The following PTPRD variants were observed in gnomAD, a reference collection of about 807,000 sequenced individuals.
The protein encoded by PTPRD is receptor-type tyrosine-protein phosphatase delta.
PTPRD carries 34 observed loss-of-function variants against 214.5 expected under a neutral mutation model. That is an observed-to-expected ratio of 0.16 (90% CI 0.12 to 0.21). The LOEUF (loss-of-function observed/expected upper bound fraction) is 0.21, where lower values mean the gene tolerates loss of function less well. Among genes scored for constraint, PTPRD ranks in the 10% least tolerant of loss-of-function variants. The probability of loss-of-function intolerance (pLI) is 1.00; values close to 1 mark genes in which losing one functional copy is unlikely to be tolerated. For synonymous variants in PTPRD, 1,128 were observed against 845.7 expected (o/e 1.33, Z -5.79); for missense variants, 2,545 against 2,398.7 (o/e 1.06, Z -1.27).
At chr9:8,952,224 C>T (rs2099105960) in intron 11 of PTPRD, among the ~76,000 whole-genome samples, 1 of 151,824 alleles carries the variant, frequency 6.6e-6, no homozygotes, top group African/African-American at 2.4e-5. Context: ...TTACCAACCT[C>T]TAATAGATAT....
chr9:9,372,542 A>T (rs2059803809), intron 9 of PTPRD, among the ~76,000 whole-genome samples: 1 of 152,106 alleles, frequency 6.6e-6, no homozygotes, highest in Non-Finnish European at 1.5e-5. Flanking sequence ...AATACAGCAC[A>T]CTGATGGGTC....
In PTPRD at chr9:8,528,582, A is replaced by G; in HGVS notation, c.541+9T>C. Reference sequence around the variant, plus strand: ...CTAGGAGTTAGTAGAAACAGTAACAAGACCCTACCTGATCGTAACTGCTTA... The same window carrying G: ...CTAGGAGTTAGTAGAAACAGTAACAGGACCCTACCTGATCGTAACTGCTTA... On this transcript the variant is annotated intron_variant, in intron 15 of 45. Transcript: ENST00000381196. The G allele has an allele frequency of 6.2e-7, 1 of 1,612,344 alleles. No homozygotes were observed. The highest frequency in any genetic ancestry group is 8.5e-7 in the Non-Finnish European group (1 of 1,179,060).
chr9:9,860,188 C>T lies in PTPRD; in HGVS notation c.-368+78319G>A, dbSNP rs1422296649. On this transcript the variant is annotated intron_variant, in intron 5 of 45. Coordinates refer to ENST00000381196, the MANE Select transcript of PTPRD (RefSeq NM_002839.4). ...TAGAGTCAGATGGTACATGGTATTT[C>T]ACAAGATCTGCTTTTGAAGAGTGCC... is the stretch of plus-strand genomic sequence containing the variant. 3.3e-5 allele frequency among the ~76,000 whole-genome samples: 5 copies of T among 152,162 alleles called. No homozygotes were observed. The South Asian group carries it at 6.2e-4, about 19-fold the overall frequency.
At chr9:8,756,015 T>C (rs905741769) in intron 11 of PTPRD, among the ~76,000 whole-genome samples, 6 of 152,196 alleles carry the variant, frequency 3.9e-5, no homozygotes, top group African/African-American at 1.4e-4. Context: ...AAGAGGAAAA[T>C]ATGATCTCAG....
intron 2 of PTPRD, among the ~76,000 whole-genome samples, chr9:10,565,717 T>C (rs1003782746): frequency 1.3e-5 from 2 of 152,074 alleles, no homozygotes; most frequent in Non-Finnish European, 2.9e-5. Flanking sequence ...CCCTAAGTTT[T>C]CTCAGACGTC....
intron 11 of PTPRD, among the ~76,000 whole-genome samples, chr9:8,881,678 T>G (rs1378570630): frequency 6.6e-6 from 1 of 151,792 alleles, no homozygotes; most frequent in Non-Finnish European, 1.5e-5. Flanking sequence ...GGAGACAGAG[T>G]TTTTAAAAGC....
intron 5 of PTPRD, among the ~76,000 whole-genome samples, chr9:9,826,715 G>A (rs2053001034): frequency 1.3e-5 from 2 of 152,002 alleles, no homozygotes; most frequent in South Asian, 4.1e-4. Flanking sequence ...CTTTTGCAAA[G>A]AGGGACAATT....
At chr9:9,033,077 C>G (rs1031615019) in intron 10 of PTPRD, among the ~76,000 whole-genome samples, 5 of 152,068 alleles carry the variant, frequency 3.3e-5, no homozygotes, top group Non-Finnish European at 5.9e-5. Context: ...AATGGAGATG[C>G]GTTTGTATGC....
intron 5 of PTPRD, among the ~76,000 whole-genome samples, chr9:9,790,840 A>G (rs1418819690): frequency 2.0e-5 from 3 of 150,218 alleles, no homozygotes; most frequent in African/African-American, 7.4e-5. Context: ...GGCAATAAAT[A>G]TATTTTGAAT....
At chr9:8,928,342 C>A (rs988802322) in intron 11 of PTPRD, among the ~76,000 whole-genome samples, 1 of 152,116 alleles carries the variant, frequency 6.6e-6, no homozygotes, top group African/African-American at 2.4e-5. Flanking sequence ...TTAGGTCTAA[C>A]ATTTAAGTCT....
intron 11 of PTPRD, among the ~76,000 whole-genome samples, chr9:8,760,886 G>C (rs2094371974): frequency 6.6e-6 from 1 of 152,036 alleles, no homozygotes; most frequent in Non-Finnish European, 1.5e-5. Context: ...AATAATTTTG[G>C]GATTAGTGAA....
chr9:10,150,672 A>G (rs2099054856), intron 3 of PTPRD, among the ~76,000 whole-genome samples: 1 of 151,838 alleles, frequency 6.6e-6, no homozygotes, highest in African/African-American at 2.4e-5. Flanking sequence ...AAAAAAACTT[A>G]AAAATGAAAA....
intron 3 of PTPRD, among the ~76,000 whole-genome samples, chr9:10,129,931 AT>A (rs993467159): frequency 2.7e-5 from 4 of 148,574 alleles, no homozygotes; most frequent in Non-Finnish European, 6.0e-5. Context: ...AAATAACCAA[AT>A]GTTTTTTTTT....
Position 10,069,180 on chromosome 9 carries a change from G to A in PTPRD, c.-544-35390C>T, listed in dbSNP as rs142752726. Among the ~76,000 whole-genome samples, 226 of 152,114 alleles carry A rather than the reference G, an allele frequency of 1.5e-3. 2 individuals carry two copies. The highest frequency in any genetic ancestry group is 0.011 in the South Asian group (51 of 4,824). On this transcript the variant is annotated intron_variant, in intron 3 of 45. Transcript: ENST00000381196. ...TTCCATCTATCTGACAGGGAAGGGAGATAAGACATTTCCCCCAATCTTCTG... is the reference window on the plus strand; with the variant it reads ...TTCCATCTATCTGACAGGGAAGGGAAATAAGACATTTCCCCCAATCTTCTG...
chr9:9,573,591 T>C (rs902898326), intron 8 of PTPRD, among the ~76,000 whole-genome samples: 4 of 151,744 alleles, frequency 2.6e-5, no homozygotes, highest in Non-Finnish European at 5.9e-5. Context: ...TAAATTGAAA[T>C]AATTTATTTA....
At chr9:9,987,587 G>A (rs2095762934) in intron 4 of PTPRD, among the ~76,000 whole-genome samples, 1 of 152,218 alleles carries the variant, frequency 6.6e-6, no homozygotes, top group African/African-American at 2.4e-5. Flanking sequence ...TGGGAGCTAC[G>A]AGATGAGATT....
At position 8,897,228 on chromosome 9, in the gene PTPRD, G is replaced by T. The variant is rs1221225990; in HGVS notation, c.-104+121469C>A. 2.6e-5 allele frequency among the ~76,000 whole-genome samples: 4 copies of T among 152,276 alleles called. No individual in the cohort carries two copies. The East Asian group carries it at 7.7e-4, about 29-fold the overall frequency. ...TGAAGGGAATATCGAACAAGCGTAA[G>T]TTGTAGACACTCATCTCAAGGTACA... On this transcript the variant is annotated intron_variant, in intron 11 of 45. Coordinates refer to ENST00000381196, the MANE Select transcript of PTPRD (RefSeq NM_002839.4).
intron 3 of PTPRD, among the ~76,000 whole-genome samples, chr9:10,097,268 T>A (rs367920837): frequency 6.9e-6 from 1 of 145,384 alleles, no homozygotes; most frequent in African/African-American, 2.6e-5. Flanking sequence ...TTTCCAATTC[T>A]GTGAAGAAAG....
chr9:9,282,694 G>A (rs1037966732), intron 9 of PTPRD, among the ~76,000 whole-genome samples: 3 of 151,416 alleles, frequency 2.0e-5, no homozygotes, highest in African/African-American at 7.3e-5. Flanking sequence ...AGTTCAAAGA[G>A]AGAATGAAAG....
Sources: gnomAD v4.1 joint callset for allele counts (sites outside exome capture counted in the v4.1 genomes callset) on GRCh38, gnomAD v4.1.1 for gene constraint, MANE v1.5 for transcripts, NCBI Gene and HGNC (gene_info 2026-07-23, HGNC 2026-07-21) for gene names.